PALM3: variants seen among roughly 807,000 people sequenced by gnomAD.
The protein encoded by PALM3 is paralemmin-3.
A neutral mutation model predicts 27.9 loss-of-function variants in PALM3; 20 were observed. That is an observed-to-expected ratio of 0.72 (90% CI 0.50 to 1.04). The LOEUF (loss-of-function observed/expected upper bound fraction) is 1.04. Ranked by LOEUF, PALM3 falls within the 50% of genes least tolerant of loss-of-function variation. The pLI is 0.00. For synonymous variants in PALM3, 328 were observed against 352.7 expected, an observed-to-expected ratio of 0.93 and a Z score of 0.79; for missense variants, 814 against 869.4, an observed-to-expected ratio of 0.94 and a Z score of 0.80.
intron 3 of PALM3, 103 bp from the exon 4 acceptor site, chr19:14,056,907 T>C: frequency 5.9e-6 from 7 of 1,186,924 alleles, no homozygotes; most frequent in Non-Finnish European, 7.9e-6. Context: ...TATCACCACC[T>C]CACAACCAGT....
At position 14,054,190 on chromosome 19, in the gene PALM3, CT is replaced by C; in HGVS notation, c.1481del (p.Glu494GlyfsTer4). ...CTCCCAATGGTTCTTCTACCTCCTC[CT>C]CCTCTGCCCCTCGCTTTTCCTCATC... The part of the protein sequence containing the change: ...EGDEEKRGAE[E>X]EEVEEPLGVE... On this transcript the variant is annotated frameshift_variant, in exon 7 of 7. Transcript: ENST00000669674. LOFTEE classifies it low-confidence loss of function (END_TRUNC). The C allele has an allele frequency of 6.4e-7, 1 of 1,551,932 alleles. No homozygotes were observed. Among genetic ancestry groups the C allele is most frequent in the Non-Finnish European group, 8.7e-7 (1 of 1,147,062 alleles).
intron 3 of PALM3, 163 bp from the exon 4 acceptor site, chr19:14,056,967 G>A: frequency 1.4e-6 from 1 of 720,656 alleles, no homozygotes; most frequent in South Asian, 1.9e-5. Context: ...CCCCAACGCT[G>A]CAAGTGGGCA....
In PALM3 at chr19:14,053,645, C is replaced by T; in HGVS notation, c.2027G>A (p.Gly676Asp). 1.4e-6 allele frequency: 2 copies of T among 1,466,588 alleles called. No individual in the cohort carries two copies. Among genetic ancestry groups the T allele is most frequent in the Non-Finnish European group, 1.8e-6 (2 of 1,109,552 alleles). 90.8% of individuals were successfully genotyped at this position (1,466,588 alleles called of 1,614,324 possible). ...SAPTEGEEAS[G>D]PKQKTCQCCA... Reference sequence around the variant, plus strand: ...ACACTGGCACGTCTTTTGCTTAGGGCCACTTGCCTCTTCACCCTCGGTGGG... The same window carrying T: ...ACACTGGCACGTCTTTTGCTTAGGGTCACTTGCCTCTTCACCCTCGGTGGG... The change falls in exon 7 of 7, where the codon GGC (glycine) becomes GAC (aspartate). Residue 676 changes from glycine to aspartate, a missense_variant. By Grantham distance (94) the Gly-to-Asp change is moderately conservative. Transcript: ENST00000669674.
chr19:14,059,058 A>C, intron 2 of PALM3, 57 bp downstream of exon 2: 1 of 1,425,690 alleles, frequency 7.0e-7, no homozygotes, highest in South Asian at 1.4e-5. Context: ...GAGAGACGAG[A>C]AGGGAGCATG....
chr19:14,054,764 G>A lies in PALM3; in HGVS notation c.908C>T (p.Ala303Val). 1 of 1,551,708 alleles carries A rather than the reference G, an allele frequency of 6.4e-7. No homozygotes were observed. The highest frequency in any genetic ancestry group is 8.7e-7 in the Non-Finnish European group (1 of 1,147,026). The change falls in exon 7 of 7, where the codon GCC becomes GTC. Residue 303 changes from alanine to valine, a missense_variant. Coordinates refer to ENST00000669674, the MANE Select transcript of PALM3 (RefSeq NM_001145028.2). ...AGGGACCCTGCCTATCTCCCCCATG[G>A]CCTCTGCATCACTGCCACCCACCCC... ...WEGVGGSDAEAMGEIGRVPEV... is the reference protein window; with the variant it reads ...WEGVGGSDAEVMGEIGRVPEV...
rs934749585 is a variant in PALM3, at chr19:14,054,465, C to T, written c.1207G>A (p.Glu403Lys). The T allele has an allele frequency of 2.6e-6, 4 of 1,551,604 alleles. No individual in the cohort carries two copies. The highest frequency in any genetic ancestry group is 2.0e-5 in the Admixed American group (1 of 50,960). ...CTCTTCTCTGCCTCCCAGGTCTCCT[C>T]GCCTCCTCCCGTCTTGGCCCCCTCG... ...GAEGAKTGGG[E>K]ETWEAEKRKA... The change falls in exon 7 of 7, where the codon GAG becomes AAG. Residue 403 changes from glutamate (E) to lysine (K), a missense_variant. Physicochemically the swap from Glu to Lys is moderately conservative, Grantham distance 56. Coordinates refer to ENST00000669674, the MANE Select transcript of PALM3 (RefSeq NM_001145028.2).
intron 3 of PALM3, 109 bp downstream of exon 3, chr19:14,057,242 C>CGG: frequency 1.6e-6 from 1 of 636,840 alleles, no homozygotes. Context: ...CAACTGCCCG[C>CGG]TCCCCCCCAA....
At position 14,054,916 on chromosome 19, in the gene PALM3, G is replaced by A. The variant is rs1366478092; in HGVS notation, c.756C>T (p.Gly252=). The A allele has an allele frequency of 7.7e-6, 12 of 1,549,168 alleles. No homozygotes were observed. The highest frequency in any genetic ancestry group is 1.0e-5 in the Non-Finnish European group (12 of 1,146,954). ...ATEDCATGAT[G]PELEAKVEEV... is the part of the protein sequence containing the mutation. ...CCTCCACCTTAGCCTCCAGCTCGGG[G>A]CCCGTGGCCCCTGTGGCACAGTCCT... Residue 252 remains glycine (G), a synonymous_variant, in exon 7 of 7, where the codon GGC becomes GGT. Transcript: ENST00000669674.
intron 1 of PALM3, among the ~76,000 whole-genome samples, chr19:14,060,847 G>A (rs1455354723): frequency 1.3e-5 from 2 of 152,080 alleles, no homozygotes; most frequent in African/African-American, 2.4e-5. Context: ...TGCAACCCCC[G>A]CTTCCTGGGT....
rs879437853 is a variant in PALM3, at chr19:14,054,979, G to A, written c.693C>T (p.Gly231=). 125 of 1,548,520 alleles carry A rather than the reference G, an allele frequency of 8.1e-5. No homozygotes were observed. Among genetic ancestry groups the A allele is most frequent in the Non-Finnish European group, 1.0e-4 (115 of 1,145,888 alleles). ...EGRVGEAKGG[G]VVSVVWEGLR... is the part of the protein sequence containing the mutation. Reference sequence around the variant, plus strand: ...GCCCTTCCCACACCACACTCACCACGCCCCCTCCTTTGGCCTCACCCACCC... The same window carrying A: ...GCCCTTCCCACACCACACTCACCACACCCCCTCCTTTGGCCTCACCCACCC... The change falls in exon 7 of 7, where the codon GGC becomes GGT. Residue 231 remains glycine, a synonymous_variant. Transcript: ENST00000669674.
Position 14,053,957 on chromosome 19 carries a change from T to C in PALM3, c.1715A>G (p.Glu572Gly), listed in dbSNP as rs1172550886. ...GSESQAEEMN[E>G]AGPPLEANTE... ...GTTAGCCTCAAGGGGAGGCCCTGCC[T>C]CATTCATCTCCTCTGCCTGGGATTC... Residue 572 changes from glutamate to glycine, a missense_variant, in exon 7 of 7, where the codon GAG becomes GGG. Coordinates refer to ENST00000669674, the MANE Select transcript of PALM3 (RefSeq NM_001145028.2). 44 of 1,551,532 alleles carry C rather than the reference T, an allele frequency of 2.8e-5. No individual in the cohort carries two copies. Among genetic ancestry groups the C allele is most frequent in the Non-Finnish European group, 3.7e-5 (42 of 1,146,946 alleles).
In PALM3 at chr19:14,053,845, G is replaced by A. The variant is rs80123117; in HGVS notation, c.1827C>T (p.Thr609=). 3,763 of 1,551,262 alleles carry A rather than the reference G, an allele frequency of 2.4e-3. 65 individuals carry two copies. In the African/African-American group the frequency reaches 0.039, roughly 16 times the overall value. ...ALEEEGVKPQ[T]AAEGQGPLGD... ...CCAAGGGGCCTTGGCCCTCAGCAGC[G>A]GTTTGGGGCTTCACTCCTTCCTCCT... The change falls in exon 7 of 7, where the codon ACC becomes ACT. Residue 609 remains threonine, a synonymous_variant. Transcript: ENST00000669674.
intron 2 of PALM3, 118 bp downstream of exon 2, chr19:14,058,996 TG>T: frequency 2.3e-6 from 2 of 877,802 alleles, no homozygotes; most frequent in South Asian, 2.2e-5. Context: ...AGAATTGGTG[TG>T]GGGAGCCCTG....
At chr19:14,057,286 C>G in intron 3 of PALM3, 65 bp downstream of exon 3, 1 of 1,277,152 alleles carries the variant, frequency 7.8e-7, no homozygotes, top group Non-Finnish European at 1.1e-6. Flanking sequence ...TCCCCCAAAC[C>G]GACTTGCACA....
At chr19:14,061,573 C>A (rs558941451) in intron 1 of PALM3, among the ~76,000 whole-genome samples, 3 of 152,244 alleles carry the variant, frequency 2.0e-5, no homozygotes, top group Admixed American at 1.3e-4. Flanking sequence ...GGATCTCAAG[C>A]CTTTTCTCCC....
chr19:14,054,913 G>C lies in PALM3; in HGVS notation c.759C>G (p.Pro253=). ...TEDCATGATG[P]ELEAKVEEVV... is the part of the protein sequence containing the mutation. ...CTTCCTCCACCTTAGCCTCCAGCTC[G>C]GGGCCCGTGGCCCCTGTGGCACAGT... The change falls in exon 7 of 7, where the codon CCC becomes CCG. Residue 253 remains proline, a synonymous_variant. Coordinates refer to ENST00000669674, the MANE Select transcript of PALM3 (RefSeq NM_001145028.2). The C allele has an allele frequency of 1.9e-5, 30 of 1,549,092 alleles. No homozygotes were observed. The highest frequency in any genetic ancestry group is 2.7e-5 in the African/African-American group (2 of 73,154).
chr19:14,056,333 G>T, intron 5 of PALM3, 96 bp downstream of exon 5: 1 of 1,252,168 alleles, frequency 8.0e-7, no homozygotes, highest in Non-Finnish European at 1.1e-6. Context: ...TAGTGGCCAG[G>T]CTGCCCTTGG....
At position 14,055,167 on chromosome 19, in the gene PALM3, C is replaced by G. The variant is rs1221462902; in HGVS notation, c.505G>C (p.Glu169Gln). ...TCCTCCCTGGGCTCAGAGGGGGACT[C>G]TGGAGGCGTGCCCACTAGTCCAGCC... Reference protein sequence around the residue: ...LPAGLVGTPPESPSEPREDVL... With the variant: ...LPAGLVGTPPQSPSEPREDVL... The change falls in exon 7 of 7, where the codon GAG becomes CAG. Residue 169 changes from glutamate to glutamine, a missense_variant. Coordinates refer to ENST00000669674, the MANE Select transcript of PALM3 (RefSeq NM_001145028.2). The G allele has an allele frequency of 3.9e-6, 6 of 1,549,100 alleles. No homozygotes were observed. The Admixed American group carries it at 9.8e-5, about 25-fold the overall frequency.
In PALM3 at chr19:14,053,833, G is replaced by C. The variant is rs1186137704; in HGVS notation, c.1839C>G (p.Gly613=). 4 of 1,550,924 alleles carry C rather than the reference G, an allele frequency of 2.6e-6. No homozygotes were observed. ...EGVKPQTAAE[G]QGPLGDATPL... The stretch of plus-strand genomic sequence containing the variant: ...GTGTGGCATCCCCCAAGGGGCCTTG[G>C]CCCTCAGCAGCGGTTTGGGGCTTCA... Residue 613 remains glycine, a synonymous_variant, in exon 7 of 7, where the codon GGC becomes GGG. Coordinates refer to ENST00000669674, the MANE Select transcript of PALM3 (RefSeq NM_001145028.2).
Sources: allele counts gnomAD v4.1 joint callset (sites outside exome capture counted in the v4.1 genomes callset), GRCh38; gene constraint gnomAD v4.1.1; transcripts MANE v1.5; gene names NCBI Gene and HGNC (gene_info 2026-07-23, HGNC 2026-07-21).